The following ZC3H3 variants were observed in gnomAD, a reference collection of about 807,000 sequenced individuals.
ZC3H3 encodes the protein zinc finger CCCH-type containing 3.
In ZC3H3, 36 loss-of-function variants were observed where a neutral mutation model predicts 77.3. That is an observed-to-expected ratio of 0.47 (90% CI 0.36 to 0.61). The LOEUF is 0.61. ZC3H3 is among the 20% of genes least tolerant of loss of function. The pLI is 0.00. For synonymous variants in ZC3H3, 626 were observed against 555.2 expected, an observed-to-expected ratio of 1.13 and a Z score of -1.79; for missense variants, 1,331 against 1,312.2, an observed-to-expected ratio of 1.01 and a Z score of -0.22.
intron 9 of ZC3H3, among the ~76,000 whole-genome samples, chr8:143,461,080 T>A (rs1820249281): frequency 6.6e-6 from 1 of 152,128 alleles, no homozygotes; most frequent in South Asian, 2.1e-4. Flanking sequence ...TTTTGACGCT[T>A]AAAAATGGTC....
intron 4 of ZC3H3, among the ~76,000 whole-genome samples, chr8:143,506,348 T>C (rs1453446675): frequency 6.6e-6 from 1 of 152,234 alleles, no homozygotes; most frequent in African/African-American, 2.4e-5. Context: ...CTGAACCTCA[T>C]TCCCGATGAT....
intron 3 of ZC3H3, among the ~76,000 whole-genome samples, chr8:143,524,195 G>C (rs1417082380): frequency 6.6e-6 from 1 of 152,242 alleles, no homozygotes; most frequent in African/African-American, 2.4e-5. Context: ...GGCCGGCACA[G>C]AGCAGATCGT....
At position 143,441,123 on chromosome 8, in the gene ZC3H3, G is replaced by A. The variant is rs1819730664; in HGVS notation, c.2308-3C>T. On this transcript the variant is annotated splice_region_variant and splice_polypyrimidine_tract_variant and intron_variant, in intron 9 of 11. Coordinates refer to ENST00000262577, the MANE Select transcript of ZC3H3 (RefSeq NM_015117.3). ...AGCAGCGTGTGTTTCTTCTTGCACT[G>A]CAGAGAGAAGGGGTGCAGGTGGGTG... 1.4e-6 allele frequency: 2 copies of A among 1,420,528 alleles called. No homozygotes were observed. Among genetic ancestry groups the A allele is most frequent in the Non-Finnish European group, 1.8e-6 (2 of 1,096,342 alleles). 88.0% of individuals were successfully genotyped at this position (1,420,528 alleles called of 1,614,324 possible). A position where few individuals can be genotyped will look rare whatever the true frequency, so the allele number is the denominator to read the frequency against.
At chr8:143,513,722 G>A (rs1169656183) in intron 3 of ZC3H3, among the ~76,000 whole-genome samples, 2 of 152,210 alleles carry the variant, frequency 1.3e-5, no homozygotes, top group African/African-American at 4.8e-5. Flanking sequence ...GGCAGCTCAG[G>A]CAACAGCTCT....
intron 9 of ZC3H3, among the ~76,000 whole-genome samples, chr8:143,461,617 G>C (rs899446616): frequency 1.3e-5 from 2 of 152,148 alleles, no homozygotes; most frequent in African/African-American, 2.4e-5. Context: ...AACGGACAAA[G>C]AAAGTGTGGA....
chr8:143,452,002 C>T (rs1418400935), intron 9 of ZC3H3, among the ~76,000 whole-genome samples: 1 of 152,186 alleles, frequency 6.6e-6, no homozygotes, highest in African/African-American at 2.4e-5. Context: ...CTGCCCCATC[C>T]AAGACTTGGA....
intron 9 of ZC3H3, among the ~76,000 whole-genome samples, chr8:143,465,000 C>CT (rs1426017281): frequency 6.6e-6 from 1 of 152,112 alleles, no homozygotes. Context: ...GGGAGTCCTG[C>CT]TGAAGCCCAG....
At chr8:143,451,101 C>G (rs1434885007) in intron 9 of ZC3H3, among the ~76,000 whole-genome samples, 1 of 152,078 alleles carries the variant, frequency 6.6e-6, no homozygotes, top group Non-Finnish European at 1.5e-5. Context: ...CAGGGAGGGG[C>G]TCCTGAGAGG....
chr8:143,481,502 G>A (rs967941239), intron 4 of ZC3H3, among the ~76,000 whole-genome samples: 2 of 152,200 alleles, frequency 1.3e-5, no homozygotes, highest in Non-Finnish European at 2.9e-5. Context: ...GGCCAGCAGA[G>A]GGGAGAGCTG....
intron 9 of ZC3H3, 118 bp downstream of exon 9, chr8:143,465,599 C>A: frequency 5.4e-6 from 8 of 1,475,238 alleles, no homozygotes; most frequent in Non-Finnish European, 7.3e-6. Flanking sequence ...CGTGATGGCA[C>A]TGACCACCTC....
rs1237837527 is a variant in ZC3H3 at position 143,530,059 on chromosome 8, A to G, written c.1561+6198T>C. The stretch of plus-strand genomic sequence containing the variant: ...GGGCACGGCAGACTGAGGGACGGGT[A>G]GGAATCGCCCTCCGTGTGTACAGCA... On this transcript the variant is annotated intron_variant, in intron 3 of 11. Transcript: ENST00000262577. The surrounding 1 kb of genome is among the most constrained non-coding windows in gnomAD (Gnocchi z 4.3). 3.7e-4 allele frequency among the ~76,000 whole-genome samples: 56 copies of G among 152,318 alleles called. No homozygotes were observed. The highest frequency in any genetic ancestry group is 1.5e-5 in the Non-Finnish European group (1 of 68,024).
chr8:143,517,741 G>A (rs1304512339), intron 3 of ZC3H3, among the ~76,000 whole-genome samples: 1 of 152,178 alleles, frequency 6.6e-6, no homozygotes, highest in East Asian at 1.9e-4. Flanking sequence ...CCAGGGCTGG[G>A]AGCTCTGCCG....
chr8:143,464,625 G>A (rs1475922484), intron 9 of ZC3H3, among the ~76,000 whole-genome samples: 2 of 152,198 alleles, frequency 1.3e-5, no homozygotes, highest in South Asian at 2.1e-4. Context: ...CCAGAGCTTC[G>A]GGCCCGGTGT....
rs1430858527 is a variant in ZC3H3, at chr8:143,538,241, T to G, written c.1126A>C (p.Lys376Gln). 3.7e-6 allele frequency: 6 copies of G among 1,612,986 alleles called. No homozygotes were observed. The highest frequency in any genetic ancestry group is 5.1e-6 in the Non-Finnish European group (6 of 1,180,022). ...TSSKPGSAPS[K>Q]YKWKASSPSA... is the part of the protein sequence containing the mutation. ...GGGCTGGAGGCCTTCCACTTGTACT[T>G]GCTGGGGGCAGACCCTGGCTTGGAG... Residue 376 changes from lysine to glutamine, a missense_variant, in exon 2 of 12, where the codon AAG (lysine) becomes CAG (glutamine). Transcript: ENST00000262577.
Position 143,493,604 on chromosome 8 carries a change from A to C in ZC3H3, c.1715+14142T>G, listed in dbSNP as rs2129975408. Among the ~76,000 whole-genome samples the C allele has an allele frequency of 6.6e-6, 1 of 152,334 alleles. No individual in the cohort carries two copies. Among genetic ancestry groups the C allele is most frequent in the East Asian group, 1.9e-4 (1 of 5,192 alleles). Reference sequence around the variant, plus strand: ...CCTGCCTCAAACAAACAGAGAAATAAATAAATAACCACAGCACACTTTGAA... The same window carrying C: ...CCTGCCTCAAACAAACAGAGAAATACATAAATAACCACAGCACACTTTGAA... On this transcript the variant is annotated intron_variant, in intron 4 of 11. Coordinates refer to ENST00000262577, the MANE Select transcript of ZC3H3 (RefSeq NM_015117.3). This position sits in a 1 kb window ranked among gnomAD's most constrained non-coding sequence, Gnocchi z 4.8.
chr8:143,538,836 T>G lies in ZC3H3; in HGVS notation c.531A>C (p.Thr177=). Residue 177 remains threonine, a synonymous_variant, in exon 2 of 12, where the codon ACA becomes ACC. Coordinates refer to ENST00000262577, the MANE Select transcript of ZC3H3 (RefSeq NM_015117.3). ...PRGQLQPSRP[T]RARGTCSVED... ...CCACACTGCAGGTCCCCCTGGCTCT[T>G]GTTGGCCTCGAGGGCTGCAGCTGTC... 6.2e-7 allele frequency: 1 copy of G among 1,612,298 alleles called. No homozygotes were observed. The highest frequency in any genetic ancestry group is 1.1e-5 in the South Asian group (1 of 91,026).
At chr8:143,458,217 A>C (rs1334806912) in intron 9 of ZC3H3, among the ~76,000 whole-genome samples, 2 of 152,268 alleles carry the variant, frequency 1.3e-5, no homozygotes, top group African/African-American at 4.8e-5. Context: ...ACACACATAA[A>C]ATTGACCACT....
chr8:143,484,785 C>A, intron 4 of ZC3H3: 2 of 389,326 alleles, frequency 5.1e-6, no homozygotes, highest in South Asian at 1.9e-5. Flanking sequence ...CCTCAAGGAC[C>A]CCTCAGGTCA....
At chr8:143,502,648 G>A (rs1821560772) in intron 4 of ZC3H3, among the ~76,000 whole-genome samples, 1 of 152,210 alleles carries the variant, frequency 6.6e-6, no homozygotes, top group African/African-American at 2.4e-5. Flanking sequence ...CATGTCAAAT[G>A]AATTTGGAAA....
Sources: allele counts gnomAD v4.1 joint callset (sites outside exome capture counted in the v4.1 genomes callset), GRCh38; gene constraint gnomAD v4.1.1; non-coding constraint Gnocchi (gnomAD v3.1); transcripts MANE v1.5; gene names NCBI Gene and HGNC (gene_info 2026-07-23, HGNC 2026-07-21).